Variants in DMRT1 observed in about 807,000 individuals in gnomAD.
DMRT1 encodes the protein doublesex- and mab-3-related transcription factor 1.
In DMRT1, 7 loss-of-function variants were observed where a neutral mutation model predicts 32.3. The observed-to-expected ratio is 0.22, with a 90% CI of 0.12 to 0.41. DMRT1 has a LOEUF of 0.41. Among genes scored for constraint, DMRT1 ranks in the 10% least tolerant of loss-of-function variants. DMRT1 has a pLI of 1.00. For missense variants in DMRT1, 625 were observed against 500.5 expected, an observed-to-expected ratio of 1.25 and a Z score of -2.37; for synonymous variants, 278 against 206.1, an observed-to-expected ratio of 1.35 and a Z score of -2.99.
intron 2 of DMRT1, among the ~76,000 whole-genome samples, chr9:858,960 A>C (rs991752421): frequency 6.6e-6 from 1 of 151,840 alleles, no homozygotes. Flanking sequence ...ATAATGTGCA[A>C]CTGTCACCAC....
chr9:893,905 A>T lies in DMRT1; in HGVS notation c.539-7A>T. 5 of 1,613,440 alleles carry T rather than the reference A, an allele frequency of 3.1e-6. No individual in the cohort carries two copies. Among genetic ancestry groups the T allele is most frequent in the Non-Finnish European group, 4.2e-6 (5 of 1,179,780 alleles). ...ATGTTGTATTTTTCTTTTTTCTTCC[A>T]ATTTAGAGGGACGTATGGTCATCCA... On this transcript the variant is annotated splice_polypyrimidine_tract_variant and splice_region_variant and intron_variant, in intron 2 of 4. Transcript: ENST00000382276.
chr9:952,102 G>T lies in DMRT1; in HGVS notation c.968-15883G>T, dbSNP rs1033732570. Among the ~76,000 whole-genome samples, 11 of 152,188 alleles carry T rather than the reference G, an allele frequency of 7.2e-5. 1 individual carries two copies. The highest frequency in any genetic ancestry group is 3.2e-3 in the Middle Eastern group (1 of 316). On this transcript the variant is annotated intron_variant, in intron 4 of 4. Transcript: ENST00000382276. ...GGTCCCATAACTAGTAAGTGACCCA[G>T]CCAGAATGTAATCCCAGGTGTGTCT...
intron 3 of DMRT1, among the ~76,000 whole-genome samples, chr9:909,134 G>A (rs75816289): frequency 2.6e-4 from 40 of 152,208 alleles, no homozygotes; most frequent in African/African-American, 9.1e-4. Flanking sequence ...CAAGGTGAGC[G>A]CAGGAGAGGA....
At chr9:956,833 CATCTCACCCAGA>C (rs1338204938) in intron 4 of DMRT1, among the ~76,000 whole-genome samples, 1 of 152,208 alleles carries the variant, frequency 6.6e-6, no homozygotes, top group Non-Finnish European at 1.5e-5. Flanking sequence ...TTTCTGGGAT[CATCTCACCCAGA>C]GATCATAGGT....
intron 4 of DMRT1, among the ~76,000 whole-genome samples, chr9:949,620 A>G (rs929478636): frequency 6.6e-6 from 1 of 152,210 alleles, no homozygotes; most frequent in African/African-American, 2.4e-5. Flanking sequence ...GTTTTTAAGC[A>G]TAAAATACAG....
intron 2 of DMRT1, among the ~76,000 whole-genome samples, chr9:889,477 G>A (rs1009105263): frequency 6.6e-6 from 1 of 152,146 alleles, no homozygotes; most frequent in African/African-American, 2.4e-5. Flanking sequence ...AATAAAATAC[G>A]GGTAAGTGGA....
At chr9:912,917 G>A (rs1391009460) in intron 3 of DMRT1, among the ~76,000 whole-genome samples, 4 of 152,186 alleles carry the variant, frequency 2.6e-5, no homozygotes, top group African/African-American at 9.7e-5. Context: ...TCCAGTGAGA[G>A]TGAAGTTTGA....
chr9:899,959 T>C (rs1218195328), intron 3 of DMRT1, among the ~76,000 whole-genome samples: 1 of 152,204 alleles, frequency 6.6e-6, no homozygotes, highest in African/African-American at 2.4e-5. Flanking sequence ...TTTCTGGTGG[T>C]TATGTGGTCT....
At chr9:898,631 C>T (rs914478562) in intron 3 of DMRT1, among the ~76,000 whole-genome samples, 52 of 152,120 alleles carry the variant, frequency 3.4e-4, no homozygotes, top group African/African-American at 1.1e-3. Flanking sequence ...GGTGCCCCAC[C>T]GCTGCACTTG....
chr9:968,331 A>G lies in DMRT1; in HGVS notation c.*192A>G. 1 of 637,330 alleles carries G rather than the reference A, an allele frequency of 1.6e-6. No homozygotes were observed. Among genetic ancestry groups the G allele is most frequent in the South Asian group, 1.9e-5 (1 of 51,878 alleles). 39.5% of individuals were successfully genotyped at this position (637,330 alleles called of 1,614,324 possible). A position where few individuals can be genotyped will look rare whatever the true frequency, so the allele number is the denominator to read the frequency against. On this transcript the variant is annotated 3_prime_UTR_variant, in exon 5 of 5. Transcript: ENST00000382276. ...TTTAGGGTCCGTGACTACCATCTGC[A>G]TGGTTTAAGTGCTTTACTCACGGAG... is the stretch of plus-strand genomic sequence containing the variant.
intron 3 of DMRT1, among the ~76,000 whole-genome samples, chr9:907,182 C>T (rs978997478): frequency 4.6e-5 from 7 of 152,130 alleles, no homozygotes; most frequent in Admixed American, 2.0e-4. Context: ...GAGAGTGGAG[C>T]GTGCTGATCA....
chr9:866,459 C>T (rs1412808950), intron 2 of DMRT1, among the ~76,000 whole-genome samples: 1 of 152,066 alleles, frequency 6.6e-6, no homozygotes, highest in African/African-American at 2.4e-5. Flanking sequence ...GCAAAAGGGA[C>T]TCATTTACCC....
chr9:851,359 C>T (rs1430964425), intron 2 of DMRT1, among the ~76,000 whole-genome samples: 1 of 152,126 alleles, frequency 6.6e-6, no homozygotes, highest in African/African-American at 2.4e-5. Flanking sequence ...TCACCTCAGC[C>T]TCTTGAGTAG....
At chr9:924,559 G>A (rs2129819119) in intron 4 of DMRT1, among the ~76,000 whole-genome samples, 1 of 152,272 alleles carries the variant, frequency 6.6e-6, no homozygotes, top group East Asian at 1.9e-4. Flanking sequence ...CAGGTGCCTG[G>A]CAGTGGGCTG....
intron 3 of DMRT1, among the ~76,000 whole-genome samples, chr9:916,400 T>C (rs1818183856): frequency 6.6e-6 from 1 of 152,058 alleles, no homozygotes; most frequent in South Asian, 2.1e-4. Flanking sequence ...AGGGTCTTTC[T>C]CTGTTGCCCA....
intron 4 of DMRT1, among the ~76,000 whole-genome samples, chr9:957,884 CCTGTAATCCTAGCTA>C (rs1819649146): frequency 6.6e-6 from 1 of 152,144 alleles, no homozygotes; most frequent in South Asian, 2.1e-4. Context: ...GTGGCGGGCG[CCTGTAATCCTAGCTA>C]CTTGGGAGGC....
intron 4 of DMRT1, among the ~76,000 whole-genome samples, chr9:958,639 G>T (rs1474075685): frequency 1.3e-5 from 2 of 152,142 alleles, no homozygotes; most frequent in African/African-American, 2.4e-5. Flanking sequence ...CTCTCCGGGG[G>T]TTACAGGCGT....
At chr9:863,212 C>A (rs561983327) in intron 2 of DMRT1, among the ~76,000 whole-genome samples, 3 of 148,026 alleles carry the variant, frequency 2.0e-5, no homozygotes, top group Admixed American at 6.8e-5. Context: ...CAGCTGCTTG[C>A]GAGGCTGAGG....
In DMRT1 at chr9:966,571, G is replaced by T. The variant is rs187055410; in HGVS notation, c.968-1414G>T. 1.3e-3 allele frequency among the ~76,000 whole-genome samples: 201 copies of T among 152,218 alleles called. 1 individual carries two copies. Among genetic ancestry groups the T allele is most frequent in the Non-Finnish European group, 2.3e-3 (155 of 68,020 alleles). On this transcript the variant is annotated intron_variant, in intron 4 of 4. Coordinates refer to ENST00000382276, the MANE Select transcript of DMRT1 (RefSeq NM_021951.3). ...TACAAAACTATCCATTTGTCTATCT[G>T]TCTACCCATATGTCACACTGGAAGA...
Sources: allele counts gnomAD v4.1 joint callset (sites outside exome capture counted in the v4.1 genomes callset), GRCh38; gene constraint gnomAD v4.1.1; transcripts MANE v1.5; gene names NCBI Gene and HGNC (gene_info 2026-07-23, HGNC 2026-07-21).